Variants in GRXCR1 observed in about 807,000 individuals in gnomAD.
GRXCR1 encodes the protein glutaredoxin and cysteine rich domain containing 1.
Under a neutral mutation model 27.3 loss-of-function variants are expected in GRXCR1, and 27 were observed. The observed-to-expected ratio is 0.99, with a 90% CI of 0.73 to 1.37. GRXCR1 has a LOEUF of 1.37. Ranked by LOEUF, GRXCR1 falls within the 40% of genes most tolerant of loss-of-function variation. The pLI is 0.00. For synonymous variants in GRXCR1, 122 were observed against 131.1 expected, an observed-to-expected ratio of 0.93 and a Z score of 0.47; for missense variants, 379 against 354.4, an observed-to-expected ratio of 1.07 and a Z score of -0.56.
intron 3 of GRXCR1, 101 bp from the exon 4 acceptor site, chr4:43,030,260 G>T: frequency 3.9e-6 from 4 of 1,013,378 alleles, no homozygotes; most frequent in Non-Finnish European, 6.3e-6. Flanking sequence ...TGCCAATATT[G>T]CTTTATGACC....
rs185683035 is a variant in GRXCR1, at chr4:42,992,626, G to A, written c.628-27728G>A. Among the ~76,000 whole-genome samples, 262 of 152,066 alleles carry A rather than the reference G, an allele frequency of 1.7e-3. 6 individuals carry two copies. The highest frequency in any genetic ancestry group is 0.017 in the Admixed American group (252 of 15,270). On this transcript the variant is annotated intron_variant, in intron 2 of 3. Transcript: ENST00000399770. ...TATACTTAGAGTAGGCCGTACTATT[G>A]CCTCAGGAGCCTCAAAGCCATTAGA...
chr4:42,948,046 C>T (rs530266797), intron 1 of GRXCR1, among the ~76,000 whole-genome samples: 7 of 152,176 alleles, frequency 4.6e-5, no homozygotes, highest in South Asian at 4.1e-4. Flanking sequence ...GAAATCTTGT[C>T]GTTATTTGTT....
At chr4:43,012,924 C>A (rs149964270) in intron 2 of GRXCR1, among the ~76,000 whole-genome samples, 102 of 152,148 alleles carry the variant, frequency 6.7e-4, no homozygotes, top group Admixed American at 2.6e-3. Flanking sequence ...GACATGCAAG[C>A]AGACAACAAA....
At chr4:42,904,813 C>G (rs1746549229) in intron 1 of GRXCR1, among the ~76,000 whole-genome samples, 1 of 152,122 alleles carries the variant, frequency 6.6e-6, no homozygotes. Context: ...CTCAGAGAAT[C>G]TAATTCTTTC....
chr4:43,018,388 G>A (rs1031932355), intron 2 of GRXCR1, among the ~76,000 whole-genome samples: 3 of 152,140 alleles, frequency 2.0e-5, no homozygotes, highest in African/African-American at 7.2e-5. Context: ...TAGACACCCA[G>A]GTGTCTTGAA....
At chr4:43,022,551 T>TTC (rs1397491035) in intron 3 of GRXCR1, among the ~76,000 whole-genome samples, 4 of 152,254 alleles carry the variant, frequency 2.6e-5, no homozygotes, top group Non-Finnish European at 4.4e-5. Context: ...GGCATTGGCT[T>TTC]TCTACTGTTA....
chr4:42,931,138 G>A (rs1199156775), intron 1 of GRXCR1, among the ~76,000 whole-genome samples: 2 of 151,864 alleles, frequency 1.3e-5, no homozygotes, highest in African/African-American at 2.4e-5. Context: ...TAAATGTATG[G>A]ATTATTTATT....
intron 2 of GRXCR1, among the ~76,000 whole-genome samples, chr4:42,973,284 G>A (rs1748430381): frequency 6.6e-6 from 1 of 152,102 alleles, no homozygotes; most frequent in Non-Finnish European, 1.5e-5. Context: ...TGTATTGTCA[G>A]CGTTATCTAG....
chr4:42,926,713 T>C (rs1478758195), intron 1 of GRXCR1, among the ~76,000 whole-genome samples: 1 of 152,038 alleles, frequency 6.6e-6, no homozygotes, highest in Non-Finnish European at 1.5e-5. Flanking sequence ...TATGCTCTAA[T>C]TGGGGATGAT....
At chr4:43,013,596 T>C (rs562818647) in intron 2 of GRXCR1, among the ~76,000 whole-genome samples, 1 of 152,246 alleles carries the variant, frequency 6.6e-6, no homozygotes, top group African/African-American at 2.4e-5. Context: ...TATACCCAGG[T>C]AACAAACCTG....
intron 1 of GRXCR1, among the ~76,000 whole-genome samples, chr4:42,912,776 A>T (rs1011256226): frequency 6.6e-6 from 1 of 152,184 alleles, no homozygotes; most frequent in Non-Finnish European, 1.5e-5. Flanking sequence ...ATTTTAAATC[A>T]TTAGTGTTAT....
chr4:42,966,036 A>T (rs1371779644), intron 2 of GRXCR1, among the ~76,000 whole-genome samples: 1 of 151,274 alleles, frequency 6.6e-6, no homozygotes, highest in East Asian at 1.9e-4. Flanking sequence ...GAAGCAATGA[A>T]ACAGTCAAGG....
chr4:43,002,659 A>G (rs547811846), intron 2 of GRXCR1, among the ~76,000 whole-genome samples: 2 of 152,154 alleles, frequency 1.3e-5, no homozygotes, highest in Non-Finnish European at 2.9e-5. Context: ...TCTTTTCCCT[A>G]CAATATTTTA....
At chr4:42,900,085 T>G (rs1419231232) in intron 1 of GRXCR1, among the ~76,000 whole-genome samples, 1 of 152,194 alleles carries the variant, frequency 6.6e-6, no homozygotes, top group Non-Finnish European at 1.5e-5. Context: ...TGCTGGCAGA[T>G]ATTGCTCATG....
intron 1 of GRXCR1, among the ~76,000 whole-genome samples, chr4:42,901,814 CA>C: frequency 6.6e-6 from 1 of 152,274 alleles, no homozygotes; most frequent in East Asian, 1.9e-4. Flanking sequence ...CCATGGCCAC[CA>C]GGGGATAGAG....
chr4:42,905,386 T>TGCC (rs1746562086), intron 1 of GRXCR1, among the ~76,000 whole-genome samples: 1 of 152,222 alleles, frequency 6.6e-6, no homozygotes, highest in Non-Finnish European at 1.5e-5. Flanking sequence ...GATTGATTTT[T>TGCC]AATACCTTTC....
chr4:42,964,291 T>G (rs1418354680), intron 2 of GRXCR1, among the ~76,000 whole-genome samples: 4 of 152,064 alleles, frequency 2.6e-5, no homozygotes, highest in African/African-American at 9.7e-5. Context: ...GCTTTGCATC[T>G]GTCATTTCAT....
chr4:42,963,097 C>A lies in GRXCR1; in HGVS notation c.590C>A (p.Ser197Tyr), dbSNP rs533799143. The change falls in exon 2 of 4, where the codon TCC (serine) becomes TAC (tyrosine). Residue 197 changes from serine to tyrosine, a missense_variant. Physicochemically the swap from Ser to Tyr is moderately radical, Grantham distance 144. Coordinates refer to ENST00000399770, the MANE Select transcript of GRXCR1 (RefSeq NM_001080476.3). ...TGCCGACGAGTTTCTGAAGCTCCTTCCCTCCCTGTTGTGTTCATTGATGGC... is the reference window on the plus strand; with the variant it reads ...TGCCGACGAGTTTCTGAAGCTCCTTACCTCCCTGTTGTGTTCATTGATGGC... ...ERCRRVSEAPSLPVVFIDGHY... is the reference protein window; with the variant it reads ...ERCRRVSEAPYLPVVFIDGHY... The A allele has an allele frequency of 6.2e-7, 1 of 1,612,798 alleles. No homozygotes were observed. The highest frequency in any genetic ancestry group is 1.7e-5 in the Admixed American group (1 of 59,940).
chr4:42,965,602 A>T (rs1263999229), intron 2 of GRXCR1, among the ~76,000 whole-genome samples: 1 of 152,034 alleles, frequency 6.6e-6, no homozygotes, highest in African/African-American at 2.4e-5. Flanking sequence ...TGATGTTGGT[A>T]ATTTCCTTAA....
Sources: allele counts gnomAD v4.1 joint callset (sites outside exome capture counted in the v4.1 genomes callset), GRCh38; gene constraint gnomAD v4.1.1; transcripts MANE v1.5; gene names NCBI Gene and HGNC (gene_info 2026-07-23, HGNC 2026-07-21).